LRPAP1: variants seen among roughly 807,000 people sequenced by gnomAD.
LRPAP1 encodes LDL receptor related protein associated protein 1, also known as alpha-2-macroglobulin receptor-associated protein.
A neutral mutation model predicts 39.9 loss-of-function variants in LRPAP1; 41 were observed. The observed-to-expected ratio is 1.03, with a 90% CI of 0.80 to 1.33. The LOEUF is 1.33. Ranked by LOEUF, LRPAP1 falls within the 40% of genes most tolerant of loss-of-function variation. The pLI is 0.00. For synonymous variants in LRPAP1, 263 were observed against 212.7 expected (o/e 1.24, Z -2.06); for missense variants, 565 against 482.3 (o/e 1.17, Z -1.61).
chr4:3,527,116 C>A (rs139012859), intron 1 of LRPAP1, among the ~76,000 whole-genome samples: 1 of 99,402 alleles, frequency 1.0e-5, no homozygotes, highest in Admixed American at 9.1e-5. Flanking sequence ...GCTCTGCGCC[C>A]CCATCTCTGC....
intron 5 of LRPAP1, 109 bp downstream of exon 5, chr4:3,517,925 G>T: frequency 7.1e-7 from 1 of 1,399,764 alleles, no homozygotes; most frequent in Non-Finnish European, 9.6e-7. Flanking sequence ...TCTCCGCTGC[G>T]TCCACAGGCC....
chr4:3,516,241 G>A (rs1163877031), intron 5 of LRPAP1, 43 bp from the exon 6 acceptor site: 2 of 1,477,174 alleles, frequency 1.4e-6, no homozygotes, highest in East Asian at 2.5e-5. Context: ...CACCCGGGGT[G>A]CACACCACAG....
At chr4:3,530,593 G>A (rs1201715175) in intron 1 of LRPAP1, among the ~76,000 whole-genome samples, 1 of 152,182 alleles carries the variant, frequency 6.6e-6, no homozygotes, top group Non-Finnish European at 1.5e-5. Flanking sequence ...TGAACCTCAG[G>A]GAGGTTTAGG....
intron 1 of LRPAP1, among the ~76,000 whole-genome samples, chr4:3,527,008 G>A (rs1288364379): frequency 6.6e-6 from 1 of 152,210 alleles, no homozygotes; most frequent in Non-Finnish European, 1.5e-5. Flanking sequence ...TGAATGGCAG[G>A]GCCTAGGGCA....
chr4:3,527,559 C>G (rs935957552), intron 1 of LRPAP1, among the ~76,000 whole-genome samples: 2 of 152,208 alleles, frequency 1.3e-5, no homozygotes, highest in African/African-American at 2.4e-5. Context: ...CTGCACTGCC[C>G]GGGAGGGTCT....
intron 2 of LRPAP1, among the ~76,000 whole-genome samples, chr4:3,520,825 C>T (rs544262742): frequency 4.7e-4 from 72 of 152,356 alleles, no homozygotes; most frequent in South Asian, 1.7e-3. Context: ...CCCAGCCACT[C>T]GGGGAGCCCT....
rs1444571634 is a variant in LRPAP1, at chr4:3,508,222, T to G, written c.*4752A>C. On this transcript the variant is annotated 3_prime_UTR_variant, in exon 8 of 8. Coordinates refer to ENST00000650182, the MANE Select transcript of LRPAP1 (RefSeq NM_002337.4). ...GGTTTCACCATGTTGACTAGGTTGG[T>G]CTCAAACTCCTGACCTCAGGTGATC... 6.6e-6 allele frequency: 1 copy of G among 152,168 alleles called. No individual in the cohort carries two copies. The highest frequency in any genetic ancestry group is 1.5e-5 in the Non-Finnish European group (1 of 68,046). 9.4% of individuals were successfully genotyped at this position (152,168 alleles called of 1,614,324 possible).
intron 4 of LRPAP1, 94 bp downstream of exon 4, chr4:3,518,777 C>T: frequency 2.4e-6 from 2 of 830,478 alleles, no homozygotes; most frequent in South Asian, 1.8e-5. Flanking sequence ...GGAGCTGAGG[C>T]TGCCCACTGA....
rs200353970 is a variant in LRPAP1 at position 3,504,578 on chromosome 4, T to A, written c.*8396A>T. On this transcript the variant is annotated 3_prime_UTR_variant, in exon 8 of 8. Transcript: ENST00000650182. ...CAGCCTGGCCAACATGGTGAAACCC[T>A]GTCTCTACTAAAAATACAAACATTA... 2 of 151,860 alleles carry A rather than the reference T, an allele frequency of 1.3e-5. No individual in the cohort carries two copies. Among genetic ancestry groups the A allele is most frequent in the Non-Finnish European group, 2.9e-5 (2 of 67,974 alleles). 9.4% of individuals were successfully genotyped at this position (151,860 alleles called of 1,614,324 possible). A position where few individuals can be genotyped will look rare whatever the true frequency, so the allele number is the denominator to read the frequency against.
At chr4:3,532,074 C>T in intron 1 of LRPAP1, 135 bp downstream of exon 1, 1 of 1,008,018 alleles carries the variant, frequency 9.9e-7, no homozygotes, top group Non-Finnish European at 1.4e-6. Flanking sequence ...GAGGCTGTGC[C>T]AAGGACAGGG....
In LRPAP1 at chr4:3,518,159, A is replaced by G; in HGVS notation, c.626T>C (p.Leu209Pro). ...CAGGACGCTGCCCTTGATGTCGCTC[A>G]GGTCCGAGGGGCTAATGACGTTCTC... ...IHENVISPSDLSDIKGSVLHS... is the reference protein window; with the variant it reads ...IHENVISPSDPSDIKGSVLHS... The change falls in exon 5 of 8, where the codon CTG (leucine) becomes CCG (proline). Residue 209 changes from leucine to proline, a missense_variant. Leu to Pro is a moderately conservative substitution (Grantham distance 98). Transcript: ENST00000650182. The G allele has an allele frequency of 6.2e-7, 1 of 1,613,030 alleles. No homozygotes were observed. The highest frequency in any genetic ancestry group is 1.1e-5 in the South Asian group (1 of 90,996).
intron 2 of LRPAP1, among the ~76,000 whole-genome samples, chr4:3,523,591 G>A (rs151323265): frequency 6.6e-6 from 1 of 152,160 alleles, no homozygotes; most frequent in Non-Finnish European, 1.5e-5. Context: ...GCACTACTCG[G>A]CTCTGCAACT....
rs1432840328 is a variant in LRPAP1 at position 3,505,214 on chromosome 4, G to C, written c.*7760C>G. ...CGTGTCCTGGACAGCCCAGCTCGAGGCTGCTCTTCAGCCCCAGCCCCTGGT... is the reference window on the plus strand; with the variant it reads ...CGTGTCCTGGACAGCCCAGCTCGAGCCTGCTCTTCAGCCCCAGCCCCTGGT... On this transcript the variant is annotated 3_prime_UTR_variant, in exon 8 of 8. Transcript: ENST00000650182. Among the ~76,000 whole-genome samples, 1 of 152,212 alleles carries C rather than the reference G, an allele frequency of 6.6e-6. No homozygotes were observed. Among genetic ancestry groups the C allele is most frequent in the African/African-American group, 2.4e-5 (1 of 41,452 alleles).
At chr4:3,515,981 G>C (rs142212900) in intron 6 of LRPAP1, 135 bp downstream of exon 6, 2 of 841,248 alleles carry the variant, frequency 2.4e-6, no homozygotes, top group Middle Eastern at 2.3e-4. Flanking sequence ...CAGGTTCACC[G>C]AGTGGTTAAG....
At chr4:3,525,706 C>G (rs1730060373) in intron 1 of LRPAP1, among the ~76,000 whole-genome samples, 1 of 152,208 alleles carries the variant, frequency 6.6e-6, no homozygotes, top group South Asian at 2.1e-4. Context: ...TCATCCCTCT[C>G]CGCAGGGCAG....
rs1036434357 is a variant in LRPAP1 at position 3,504,792 on chromosome 4, G to A, written c.*8182C>T. ...AAAAAACAAAACACACACACACACA[G>A]AAAAATTAGCTGGGTATGGTGGCAG... On this transcript the variant is annotated 3_prime_UTR_variant, in exon 8 of 8. Coordinates refer to ENST00000650182, the MANE Select transcript of LRPAP1 (RefSeq NM_002337.4). 2.1e-5 allele frequency among the ~76,000 whole-genome samples: 3 copies of A among 141,718 alleles called. No individual in the cohort carries two copies. Among genetic ancestry groups the A allele is most frequent in the East Asian group, 4.1e-4 (2 of 4,882 alleles). The allele number at this position is 141,718 out of a possible 152,430, so 93.0% of individuals were successfully genotyped here. A position where few individuals can be genotyped will look rare whatever the true frequency, so the allele number is the denominator to read the frequency against.
rs1163242869 is a variant in LRPAP1 at position 3,508,270 on chromosome 4, T to G, written c.*4704A>C. ...ATCCATCCACGTTGGCCTCCCAAAGTGCTGGGATTACAAGCGTGAGCCACC... is the reference window on the plus strand; with the variant it reads ...ATCCATCCACGTTGGCCTCCCAAAGGGCTGGGATTACAAGCGTGAGCCACC... On this transcript the variant is annotated 3_prime_UTR_variant, in exon 8 of 8. Coordinates refer to ENST00000650182, the MANE Select transcript of LRPAP1 (RefSeq NM_002337.4). 6.6e-6 allele frequency: 1 copy of G among 152,220 alleles called. No homozygotes were observed. Among genetic ancestry groups the G allele is most frequent in the African/African-American group, 2.4e-5 (1 of 41,446 alleles). 9.4% of individuals were successfully genotyped at this position (152,220 alleles called of 1,614,324 possible).
chr4:3,526,011 A>G (rs1477691979), intron 1 of LRPAP1, among the ~76,000 whole-genome samples: 2 of 152,240 alleles, frequency 1.3e-5, no homozygotes. Flanking sequence ...TCTTCCGTGC[A>G]GAGCAGAGTG....
intron 1 of LRPAP1, among the ~76,000 whole-genome samples, chr4:3,525,951 CGCTAAGAGGCGT>C (rs2108695879): frequency 6.6e-6 from 1 of 152,302 alleles, no homozygotes; most frequent in African/African-American, 2.4e-5. Context: ...CTGGCCCGGC[CGCTAAGAGGCGT>C]GCGCTGGGGC....
Sources: gnomAD v4.1 joint callset for allele counts (sites outside exome capture counted in the v4.1 genomes callset) on GRCh38, gnomAD v4.1.1 for gene constraint, MANE v1.5 for transcripts, NCBI Gene and HGNC (gene_info 2026-07-23, HGNC 2026-07-21) for gene names.